CNTN4: variants seen among roughly 807,000 people sequenced by gnomAD.
The protein encoded by CNTN4 is contactin-4.
CNTN4 carries 77 observed loss-of-function variants against 122.5 expected under a neutral mutation model. The ratio of observed to expected loss-of-function variants is 0.63; its 90% CI spans 0.52 to 0.76. The LOEUF is 0.76. Ranked by LOEUF, CNTN4 falls within the 30% of genes least tolerant of loss-of-function variation. The pLI is 0.00. For synonymous variants in CNTN4, 512 were observed against 447.0 expected (o/e 1.15, Z -1.83); for missense variants, 1,256 against 1,259.1 (o/e 1.00, Z 0.04).
intron 3 of CNTN4, among the ~76,000 whole-genome samples, chr3:2,424,821 G>A (rs1426238455): frequency 1.3e-5 from 2 of 152,164 alleles, no homozygotes; most frequent in Non-Finnish European, 2.9e-5. Flanking sequence ...GGCCAGTGAT[G>A]GTGAGCATTT....
chr3:2,889,351 T>G (rs1453249879), intron 10 of CNTN4, among the ~76,000 whole-genome samples: 1 of 152,226 alleles, frequency 6.6e-6, no homozygotes, highest in Non-Finnish European at 1.5e-5. Context: ...TCTTCAAGAA[T>G]ATTAAAGGAC....
At chr3:2,465,587 G>T (rs2075468063) in intron 3 of CNTN4, among the ~76,000 whole-genome samples, 1 of 152,156 alleles carries the variant, frequency 6.6e-6, no homozygotes, top group African/African-American at 2.4e-5. Context: ...TGAGGCAGGA[G>T]AATTGCTTGA....
At chr3:2,194,972 A>T (rs887022821) in intron 2 of CNTN4, among the ~76,000 whole-genome samples, 1 of 152,132 alleles carries the variant, frequency 6.6e-6, no homozygotes, top group Admixed American at 6.5e-5. Flanking sequence ...ATATATATAT[A>T]TTTAGATTGT....
intron 3 of CNTN4, among the ~76,000 whole-genome samples, chr3:2,514,522 C>G (rs1237820840): frequency 6.6e-6 from 1 of 151,832 alleles, no homozygotes; most frequent in East Asian, 1.9e-4. Context: ...AATTTAGTAA[C>G]TGTAATACTT....
intron 10 of CNTN4, among the ~76,000 whole-genome samples, chr3:2,893,130 G>A (rs1028826201): frequency 3.9e-5 from 6 of 152,092 alleles, no homozygotes; most frequent in Non-Finnish European, 7.4e-5. Flanking sequence ...TGGTTATTGA[G>A]TCCAAAAAAA....
rs11706473 is a variant in CNTN4, at chr3:2,781,966, C to A, written c.358+36269C>A. ...TCTCGATCTCCTGACCTCGTGATCCCCCCGCCTCGGCCTCCCAAAGTGCTG... is the reference window on the plus strand; with the variant it reads ...TCTCGATCTCCTGACCTCGTGATCCACCCGCCTCGGCCTCCCAAAGTGCTG... On this transcript the variant is annotated intron_variant, in intron 6 of 24. Coordinates refer to ENST00000418658, the MANE Select transcript of CNTN4 (RefSeq NM_175607.3). 4.0e-3 allele frequency among the ~76,000 whole-genome samples: 596 copies of A among 150,026 alleles called. 8 individuals are homozygous for A. The highest frequency in any genetic ancestry group is 0.037 in the East Asian group (185 of 5,050).
At chr3:2,505,816 A>G (rs2076716320) in intron 3 of CNTN4, among the ~76,000 whole-genome samples, 1 of 152,214 alleles carries the variant, frequency 6.6e-6, no homozygotes, top group South Asian at 2.1e-4. Flanking sequence ...ACTTAAAGAG[A>G]AACTTGAACT....
In CNTN4 at chr3:2,200,635, C is replaced by T. The variant is rs182336062; in HGVS notation, c.-145+99996C>T. On this transcript the variant is annotated intron_variant, in intron 2 of 24. Transcript: ENST00000418658. ...CACCTTACAAGGTGGTTGTGAGGACCAGCTAAATTAATATATTTTAAAGCA... is the reference window on the plus strand; with the variant it reads ...CACCTTACAAGGTGGTTGTGAGGACTAGCTAAATTAATATATTTTAAAGCA... 1.5e-3 allele frequency among the ~76,000 whole-genome samples: 235 copies of T among 152,212 alleles called. 1 individual carries two copies. The highest frequency in any genetic ancestry group is 0.014 in the Middle Eastern group (4 of 294).
At chr3:2,803,206 C>A (rs2092388323) in intron 6 of CNTN4, among the ~76,000 whole-genome samples, 1 of 152,098 alleles carries the variant, frequency 6.6e-6, no homozygotes, top group East Asian at 1.9e-4. Context: ...TATTAATCAT[C>A]AAAGAGATAC....
chr3:2,907,549 G>A (rs1057239086), intron 12 of CNTN4, among the ~76,000 whole-genome samples: 1 of 147,948 alleles, frequency 6.8e-6, no homozygotes, highest in Admixed American at 6.8e-5. Context: ...CTCCAGCCTG[G>A]GTGACAGAGT....
chr3:2,962,228 T>TA (rs1656094608), intron 13 of CNTN4, among the ~76,000 whole-genome samples: 1 of 152,218 alleles, frequency 6.6e-6, no homozygotes. Flanking sequence ...AGGGAATTTT[T>TA]ATGTAATAAA....
chr3:2,223,188 A>C (rs554007314), intron 2 of CNTN4, among the ~76,000 whole-genome samples: 1 of 152,236 alleles, frequency 6.6e-6, no homozygotes, highest in South Asian at 2.1e-4. Context: ...CCAGTAAGTA[A>C]AGGCACTCCT....
chr3:2,251,608 G>A (rs1045530380), intron 2 of CNTN4, among the ~76,000 whole-genome samples: 4 of 151,788 alleles, frequency 2.6e-5, no homozygotes, highest in Non-Finnish European at 4.4e-5. Context: ...TATTTGGATA[G>A]GAGAGAAATG....
intron 3 of CNTN4, among the ~76,000 whole-genome samples, chr3:2,345,289 A>T (rs891529927): frequency 3.2e-4 from 49 of 152,238 alleles, no homozygotes; most frequent in African/African-American, 1.2e-3. Flanking sequence ...CATTTTAGAG[A>T]TTCTTTTTTA....
intron 2 of CNTN4, among the ~76,000 whole-genome samples, chr3:2,156,771 C>T (rs558706064): frequency 1.3e-5 from 2 of 152,178 alleles, no homozygotes; most frequent in South Asian, 4.2e-4. Context: ...GGTAGTTCTG[C>T]AGTTGAAAGA....
intron 3 of CNTN4, among the ~76,000 whole-genome samples, chr3:2,353,671 G>C (rs899001788): frequency 6.6e-6 from 1 of 152,142 alleles, no homozygotes; most frequent in Non-Finnish European, 1.5e-5. Context: ...AGGGTCTGCA[G>C]CTTCATTCTT....
chr3:3,046,663 T>G (rs933503423), intron 23 of CNTN4, among the ~76,000 whole-genome samples: 1 of 152,118 alleles, frequency 6.6e-6, no homozygotes, highest in African/African-American at 2.4e-5. Flanking sequence ...AGTACCAGCC[T>G]CTGCAAAAAC....
intron 4 of CNTN4, among the ~76,000 whole-genome samples, chr3:2,647,376 A>G (rs1824930): frequency 0.79 from 118,282 of 150,236 alleles, 47,182 homozygotes; most frequent in East Asian, 0.98. Context: ...AGCGAAACTC[A>G]TCTCATAAAT....
intron 4 of CNTN4, among the ~76,000 whole-genome samples, chr3:2,728,369 G>A (rs1342741124): frequency 6.6e-6 from 1 of 152,186 alleles, no homozygotes; most frequent in Non-Finnish European, 1.5e-5. Flanking sequence ...GCAGGACACA[G>A]TGTGCCCTAC....
Sources: gnomAD v4.1 joint callset for allele counts (sites outside exome capture counted in the v4.1 genomes callset) on GRCh38, gnomAD v4.1.1 for gene constraint, MANE v1.5 for transcripts, NCBI Gene and HGNC (gene_info 2026-07-23, HGNC 2026-07-21) for gene names.